PCDHGB1: variants seen among roughly 807,000 people sequenced by gnomAD.
PCDHGB1 encodes the protein protocadherin gamma-B1.
PCDHGB1 carries 34 observed loss-of-function variants against 56.6 expected under a neutral mutation model. The ratio of observed to expected loss-of-function variants is 0.60; its 90% confidence interval spans 0.46 to 0.80. The LOEUF (loss-of-function observed/expected upper bound fraction) is 0.80, where lower values mean the gene tolerates loss of function less well. Ranked by LOEUF, PCDHGB1 falls within the 30% of genes least tolerant of loss-of-function variation. The probability of loss-of-function intolerance (pLI) is 0.00; values close to 1 mark genes in which losing one functional copy is unlikely to be tolerated. For missense variants in PCDHGB1, 1,278 were observed against 1,204.6 expected, an observed-to-expected ratio of 1.06 and a Z score of -0.90; for synonymous variants, 561 against 505.9, an observed-to-expected ratio of 1.11 and a Z score of -1.46.
chr5:141,480,694 G>A (rs1446014656), intron 1 of PCDHGB1, among the ~76,000 whole-genome samples: 1 of 152,128 alleles, frequency 6.6e-6, no homozygotes, highest in Non-Finnish European at 1.5e-5. Flanking sequence ...TGAAACCCAG[G>A]CCACACCCCG....
chr5:141,503,130 C>A (rs1406819266), intron 2 of PCDHGB1, among the ~76,000 whole-genome samples: 1 of 151,980 alleles, frequency 6.6e-6, no homozygotes, highest in Non-Finnish European at 1.5e-5. Context: ...CCTCTGGTAG[C>A]CCCTGACACA....
chr5:141,455,787 C>T (rs1259121501), intron 1 of PCDHGB1, among the ~76,000 whole-genome samples: 2 of 152,004 alleles, frequency 1.3e-5, no homozygotes, highest in Non-Finnish European at 2.9e-5. Flanking sequence ...GAAACTTTTC[C>T]GGAGATGCTT....
intron 1 of PCDHGB1, among the ~76,000 whole-genome samples, chr5:141,437,331 A>G (rs2097876062): frequency 6.6e-6 from 1 of 152,244 alleles, no homozygotes; most frequent in Non-Finnish European, 1.5e-5. Context: ...TAAAATTTGT[A>G]GCTTCACTGT....
intron 1 of PCDHGB1, among the ~76,000 whole-genome samples, chr5:141,460,951 G>GTATATA (rs200454978): frequency 7.2e-6 from 1 of 139,722 alleles, no homozygotes; most frequent in African/African-American, 2.8e-5. Flanking sequence ...TATGTATTAT[G>GTATATA]TATATATATA....
intron 1 of PCDHGB1, chr5:141,391,235 G>A (rs939140536): frequency 6.6e-6 from 1 of 151,890 alleles, no homozygotes; most frequent in Admixed American, 6.6e-5. Flanking sequence ...CTTTTGCTAG[G>A]TATATCTAAG....
At position 141,511,219 on chromosome 5, in the gene PCDHGB1, G is replaced by A. The variant is rs1467284181; in HGVS notation, c.*46G>A. On this transcript the variant is annotated 3_prime_UTR_variant, in exon 4 of 4. Coordinates refer to ENST00000523390, the MANE Select transcript of PCDHGB1 (RefSeq NM_018922.3). ...CCACAGGGCGGCCTCTCCCCAACCA[G>A]CCCAGCTTCTCCTTACCTGCACCCA... 5 of 1,606,366 alleles carry A rather than the reference G, an allele frequency of 3.1e-6. No individual in the cohort carries two copies. The highest frequency in any genetic ancestry group is 2.7e-5 in the African/African-American group (2 of 74,686).
In PCDHGB1 at chr5:141,431,150, C is replaced by A. The variant is rs1007532359; in HGVS notation, c.2410-63657C>A. On this transcript the variant is annotated intron_variant, in intron 1 of 3. Transcript: ENST00000523390. The surrounding 1 kb of genome is among the most constrained non-coding windows in gnomAD (Gnocchi z 4.8). ...AGTAAGGGACATTAACGACAATGCGCCTTACTTTCGTGAAAGTGAATTAGA... is the reference window on the plus strand; with the variant it reads ...AGTAAGGGACATTAACGACAATGCGACTTACTTTCGTGAAAGTGAATTAGA... The A allele has an allele frequency of 1.2e-6, 2 of 1,614,226 alleles. No individual in the cohort carries two copies. The highest frequency in any genetic ancestry group is 1.7e-6 in the Non-Finnish European group (2 of 1,180,030).
Position 141,438,643 on chromosome 5 carries a change from C to CATAT in PCDHGB1, c.2410-56163_2410-56162insTATA, listed in dbSNP as rs1213792286. ...ATATATATATATATATATACACACACACACACACATATATGTATATATATA... is the reference window on the plus strand; with the variant it reads ...ATATATATATATATATATACACACACATATACACACACATATATGTATATATATA... On this transcript the variant is annotated intron_variant, in intron 1 of 3. Transcript: ENST00000523390. Among the ~76,000 whole-genome samples, 345 of 117,382 alleles carry CATAT rather than the reference C, an allele frequency of 2.9e-3. 2 individuals are homozygous for CATAT. Among genetic ancestry groups the CATAT allele is most frequent in the Admixed American group, 6.8e-3 (78 of 11,434 alleles). 77.0% of individuals were successfully genotyped at this position (117,382 alleles called of 152,430 possible). A position where few individuals can be genotyped will look rare whatever the true frequency, so the allele number is the denominator to read the frequency against.
chr5:141,500,051 C>A (rs991931153), intron 2 of PCDHGB1, among the ~76,000 whole-genome samples: 1 of 151,988 alleles, frequency 6.6e-6, no homozygotes, highest in Non-Finnish European at 1.5e-5. Context: ...TATCTTAATG[C>A]TCTTTTAATG....
At chr5:141,373,374 A>C (rs548052832) in intron 1 of PCDHGB1, among the ~76,000 whole-genome samples, 1 of 152,352 alleles carries the variant, frequency 6.6e-6, no homozygotes, top group African/African-American at 2.4e-5. Flanking sequence ...GAATTGGTTC[A>C]AAATGTGTTT....
intron 1 of PCDHGB1, among the ~76,000 whole-genome samples, chr5:141,397,819 A>G (rs1159682049): frequency 6.6e-6 from 1 of 152,240 alleles, no homozygotes; most frequent in African/African-American, 2.4e-5. Flanking sequence ...AAAAACAATT[A>G]CTGCACTGGT....
At chr5:141,441,764 C>T (rs1407504024) in intron 1 of PCDHGB1, 1 of 384,478 alleles carries the variant, frequency 2.6e-6, no homozygotes, top group South Asian at 2.1e-5. Context: ...TGAGCCTGCG[C>T]GTGTTGGTGG....
intron 2 of PCDHGB1, among the ~76,000 whole-genome samples, chr5:141,501,200 G>A (rs888856586): frequency 1.3e-5 from 2 of 151,854 alleles, no homozygotes; most frequent in African/African-American, 4.8e-5. Context: ...AATTCAGGGT[G>A]TTGTCAGGGT....
chr5:141,501,715 C>G lies in PCDHGB1; in HGVS notation c.2469-3678C>G, dbSNP rs139761188. On this transcript the variant is annotated intron_variant, in intron 2 of 3. Coordinates refer to ENST00000523390, the MANE Select transcript of PCDHGB1 (RefSeq NM_018922.3). ...AGGGTGATTCCGAGGATAAAAAAGA[C>G]AAATATATTACCCAGTCAGCTTAGA... 1.3e-3 allele frequency among the ~76,000 whole-genome samples: 192 copies of G among 152,192 alleles called. 1 individual carries two copies. The highest frequency in any genetic ancestry group is 4.5e-3 in the African/African-American group (185 of 41,512).
intron 1 of PCDHGB1, among the ~76,000 whole-genome samples, chr5:141,468,130 G>C (rs1312004369): frequency 6.6e-6 from 1 of 151,878 alleles, no homozygotes; most frequent in Admixed American, 6.6e-5. Context: ...TTTGAGACCA[G>C]CCTGGCCAAC....
At position 141,351,599 on chromosome 5, in the gene PCDHGB1, G is replaced by A. The variant is rs1225223997; in HGVS notation, c.1339G>A (p.Val447Ile). The A allele has an allele frequency of 7.4e-6, 12 of 1,614,054 alleles. No homozygotes were observed. The highest frequency in any genetic ancestry group is 1.0e-5 in the Non-Finnish European group (12 of 1,179,904). The change falls in exon 1 of 4, where the codon GTT (valine) becomes ATT (isoleucine). Residue 447 changes from valine to isoleucine, a missense_variant. Coordinates refer to ENST00000523390, the MANE Select transcript of PCDHGB1 (RefSeq NM_018922.3). ...CTCCGACATCAACGACAATGCACCTGTTTTCCATCAGGCCTCCTATGTGGT... is the reference window on the plus strand; with the variant it reads ...CTCCGACATCAACGACAATGCACCTATTTTCCATCAGGCCTCCTATGTGGT... ...HISDINDNAPVFHQASYVVHV... is the reference protein window; with the variant it reads ...HISDINDNAPIFHQASYVVHV...
rs1334123861 is a variant in PCDHGB1, at chr5:141,414,743, C to G, written c.2409+62074C>G. On this transcript the variant is annotated intron_variant, in intron 1 of 3. Coordinates refer to ENST00000523390, the MANE Select transcript of PCDHGB1 (RefSeq NM_018922.3). ...ACTGGCGTCCTGTATGCACTCAGAT[C>G]CTTCGACTATGAGCAGTTTCATGAG... 1.9e-6 allele frequency: 3 copies of G among 1,614,216 alleles called. No homozygotes were observed. In the East Asian group the frequency reaches 6.7e-5, roughly 36 times the overall value.
chr5:141,405,229 C>T, intron 1 of PCDHGB1: 1 of 1,614,144 alleles, frequency 6.2e-7, no homozygotes, highest in Non-Finnish European at 8.5e-7. Context: ...AGTTCTCCCT[C>T]ACCGCTGACT....
intron 1 of PCDHGB1, chr5:141,422,889 G>A (rs62378455): frequency 0.035 from 55,863 of 1,614,202 alleles, 1,109 homozygotes; most frequent in Middle Eastern, 0.098. Context: ...TGTTCGTGCT[G>A]GACCAGAACG....
Sources: allele counts gnomAD v4.1 joint callset (sites outside exome capture counted in the v4.1 genomes callset), GRCh38; gene constraint gnomAD v4.1.1; non-coding constraint Gnocchi (gnomAD v3.1); transcripts MANE v1.5; gene names NCBI Gene and HGNC (gene_info 2026-07-23, HGNC 2026-07-21).